Variants in DLG2 observed in about 807,000 individuals in gnomAD.
The protein encoded by DLG2 is discs large MAGUK scaffold protein 2.
In DLG2, 45 loss-of-function variants were observed where a neutral mutation model predicts 132.5. That is an observed-to-expected ratio of 0.34 (90% CI 0.27 to 0.44). The LOEUF is 0.44. Ranked by LOEUF, DLG2 falls within the 20% of genes least tolerant of loss-of-function variation. The pLI is 1.00. For missense variants in DLG2, 1,045 were observed against 1,196.9 expected (o/e 0.87, Z 1.87); for synonymous variants, 424 against 419.6 (o/e 1.01, Z -0.13).
chr11:83,513,151 A>C (rs1412749039), intron 21 of DLG2, among the ~76,000 whole-genome samples: 3 of 152,222 alleles, frequency 2.0e-5, no homozygotes, highest in Non-Finnish European at 2.9e-5. Flanking sequence ...TCCCACCAGC[A>C]GTGTAAAAGT....
intron 18 of DLG2, among the ~76,000 whole-genome samples, chr11:83,699,937 G>GCA (rs140957816): frequency 0.1 from 14,594 of 142,246 alleles, 892 homozygotes; most frequent in East Asian, 0.32. Flanking sequence ...CACCACACAT[G>GCA]CACACACACA....
intron 3 of DLG2, among the ~76,000 whole-genome samples, chr11:85,590,561 A>C (rs1479487389): frequency 6.6e-6 from 1 of 152,016 alleles, no homozygotes; most frequent in African/African-American, 2.4e-5. Context: ...ATTTTTTTAG[A>C]TATTACTACG....
At chr11:83,883,280 T>C (rs1380277945) in intron 15 of DLG2, among the ~76,000 whole-genome samples, 1 of 152,220 alleles carries the variant, frequency 6.6e-6, no homozygotes, top group African/African-American at 2.4e-5. Context: ...AATGTCTAAA[T>C]TGTTCTTTAA....
intron 6 of DLG2, among the ~76,000 whole-genome samples, chr11:84,940,530 G>A (rs2049282119): frequency 6.6e-6 from 1 of 152,190 alleles, no homozygotes. Flanking sequence ...CTTCTTTTGA[G>A]AAATGTGTAT....
intron 8 of DLG2, among the ~76,000 whole-genome samples, chr11:84,231,354 A>T (rs1467045616): frequency 6.6e-6 from 1 of 152,150 alleles, no homozygotes; most frequent in Non-Finnish European, 1.5e-5. Flanking sequence ...AGGGGAAAAA[A>T]ATCATTTTTT....
intron 10 of DLG2, among the ~76,000 whole-genome samples, chr11:84,092,535 T>C (rs1371213609): frequency 2.6e-5 from 4 of 152,198 alleles, no homozygotes; most frequent in Admixed American, 6.5e-5. Context: ...CTTTCTCCTA[T>C]ATCTCTTTTA....
intron 21 of DLG2, among the ~76,000 whole-genome samples, 195 bp from the exon 22 acceptor site, chr11:83,484,423 G>GAAAAATTGT (rs1346772068): frequency 6.6e-6 from 1 of 152,104 alleles, no homozygotes; most frequent in African/African-American, 2.4e-5. Context: ...TGGCACCTTG[G>GAAAAATTGT]AAAAATTGTC....
chr11:84,103,532 C>T (rs1038327431), intron 9 of DLG2, among the ~76,000 whole-genome samples: 2 of 152,138 alleles, frequency 1.3e-5, no homozygotes, highest in African/African-American at 4.8e-5. Flanking sequence ...TCTGGGTGGG[C>T]TGCTGTGTCC....
At chr11:83,507,758 T>TTATATATATATATA (rs59086507) in intron 21 of DLG2, among the ~76,000 whole-genome samples, 26 of 99,870 alleles carry the variant, frequency 2.6e-4, no homozygotes, top group Non-Finnish European at 3.7e-4. Flanking sequence ...TATATTTTTA[T>TTATATATATATATA]TATATATATA....
chr11:84,648,857 G>T (rs748330180), intron 6 of DLG2, among the ~76,000 whole-genome samples: 2 of 151,960 alleles, frequency 1.3e-5, no homozygotes, highest in Non-Finnish European at 2.9e-5. Flanking sequence ...CATGCTTCTT[G>T]TACAGCCTGC....
At chr11:85,223,515 T>C (rs1278626749) in intron 4 of DLG2, among the ~76,000 whole-genome samples, 1 of 152,026 alleles carries the variant, frequency 6.6e-6, no homozygotes, top group Non-Finnish European at 1.5e-5. Context: ...TGGTGCGTGC[T>C]TGTGGTCCGG....
chr11:85,139,551 T>C (rs1396773851), intron 5 of DLG2, among the ~76,000 whole-genome samples: 1 of 152,078 alleles, frequency 6.6e-6, no homozygotes, highest in African/African-American at 2.4e-5. Context: ...GTAAGATATA[T>C]ATACATAGTA....
rs559654959 is a variant in DLG2 at position 85,508,898 on chromosome 11, C to T, written c.40+89759G>A. Among the ~76,000 whole-genome samples the T allele has an allele frequency of 3.9e-5, 6 of 152,068 alleles. 1 individual carries two copies. The highest frequency in any genetic ancestry group is 1.4e-4 in the African/African-American group (6 of 41,514). On this transcript the variant is annotated intron_variant, in intron 3 of 27. Coordinates refer to ENST00000376104, the MANE Select transcript of DLG2 (RefSeq NM_001142699.3). ...TGTTATCTAATCTAGATGAGAAAGGCTAACAATGACCAACATATACATATA... is the reference window on the plus strand; with the variant it reads ...TGTTATCTAATCTAGATGAGAAAGGTTAACAATGACCAACATATACATATA...
chr11:84,927,970 G>A (rs2047601497), intron 6 of DLG2, among the ~76,000 whole-genome samples: 1 of 151,900 alleles, frequency 6.6e-6, no homozygotes, highest in South Asian at 2.1e-4. Flanking sequence ...TGATTTTCAA[G>A]TAAGCTAAGG....
chr11:85,462,948 G>A (rs893436625), intron 3 of DLG2, among the ~76,000 whole-genome samples: 10 of 152,172 alleles, frequency 6.6e-5, no homozygotes, highest in African/African-American at 2.4e-4. Context: ...TCACAAGCAA[G>A]CTGTATCTCT....
chr11:83,554,678 A>G (rs1021134123), intron 19 of DLG2, among the ~76,000 whole-genome samples: 5 of 152,198 alleles, frequency 3.3e-5, no homozygotes, highest in African/African-American at 1.2e-4. Flanking sequence ...TCTATTGGCA[A>G]TAAATACTAT....
In DLG2 at chr11:83,685,835, C is replaced by T. The variant is rs1342167841; in HGVS notation, c.1826-52510G>A. 2.0e-5 allele frequency among the ~76,000 whole-genome samples: 3 copies of T among 152,064 alleles called. No individual in the cohort carries two copies. The East Asian group carries it at 5.8e-4, about 29-fold the overall frequency. On this transcript the variant is annotated intron_variant, in intron 18 of 27. Transcript: ENST00000376104. ...CAAAACTAAACTCTTGGTTTCCTCT[C>T]CTGAATCTGCTCTACTCCCAGTATG...
chr11:84,823,974 A>G lies in DLG2; in HGVS notation c.357+287687T>C, dbSNP rs191562086. On this transcript the variant is annotated intron_variant, in intron 6 of 27. Coordinates refer to ENST00000376104, the MANE Select transcript of DLG2 (RefSeq NM_001142699.3). ...TGATTACTATGTTCTAGGCATTGTG[A>G]GAAGCACTTGAGTGAGTTACTAATA... 2.6e-4 allele frequency among the ~76,000 whole-genome samples: 40 copies of G among 152,062 alleles called. No homozygotes were observed. The East Asian group carries it at 7.8e-3, about 30-fold the overall frequency.
chr11:83,640,873 T>G (rs2066308421), intron 18 of DLG2, among the ~76,000 whole-genome samples: 1 of 152,162 alleles, frequency 6.6e-6, no homozygotes, highest in South Asian at 2.1e-4. Context: ...TCTGGTTACT[T>G]ATAGAGTGAG....
Sources: allele counts gnomAD v4.1 joint callset (sites outside exome capture counted in the v4.1 genomes callset), GRCh38; gene constraint gnomAD v4.1.1; transcripts MANE v1.5; gene names NCBI Gene and HGNC (gene_info 2026-07-23, HGNC 2026-07-21).